CASZ1: variants seen among roughly 807,000 people sequenced by gnomAD.
CASZ1 encodes zinc finger protein castor homolog 1.
A neutral mutation model predicts 135.2 loss-of-function variants in CASZ1; 28 were observed. The ratio of observed to expected loss-of-function variants is 0.21; its 90% CI spans 0.15 to 0.28. The LOEUF is 0.28. CASZ1 is among the 10% of genes least tolerant of loss of function. CASZ1 has a pLI of 1.00. For synonymous variants in CASZ1, 1,068 were observed against 1,073.4 expected (o/e 0.99, Z 0.10); for missense variants, 2,161 against 2,453.3 (o/e 0.88, Z 2.52).
At chr1:10,663,542 G>A (rs1235650473) in intron 5 of CASZ1, among the ~76,000 whole-genome samples, 1 of 152,238 alleles carries the variant, frequency 6.6e-6, no homozygotes, top group African/African-American at 2.4e-5. Flanking sequence ...CAGGGAAAGG[G>A]GCTAAAAATA....
chr1:10,750,229 A>T (rs1308912385), intron 2 of CASZ1, among the ~76,000 whole-genome samples: 2 of 152,024 alleles, frequency 1.3e-5, no homozygotes, highest in African/African-American at 4.8e-5. Context: ...GTTGTGTGAC[A>T]TGAGGCCTGG....
At chr1:10,758,918 A>G (rs1640310721) in intron 2 of CASZ1, among the ~76,000 whole-genome samples, 1 of 152,152 alleles carries the variant, frequency 6.6e-6, no homozygotes, top group Non-Finnish European at 1.5e-5. Context: ...CTTCATTATC[A>G]AGTCCAAGAC....
At chr1:10,683,640 T>C (rs1638496741) in intron 4 of CASZ1, among the ~76,000 whole-genome samples, 1 of 152,122 alleles carries the variant, frequency 6.6e-6, no homozygotes, top group Admixed American at 6.5e-5. Flanking sequence ...CCTGAAGGGC[T>C]CTGCGTCCAG....
At chr1:10,793,476 A>G (rs915970324) in intron 1 of CASZ1, among the ~76,000 whole-genome samples, 24 of 152,318 alleles carry the variant, frequency 1.6e-4, no homozygotes, top group African/African-American at 5.5e-4. Flanking sequence ...AGGCAAGGGG[A>G]AAAAAAGAGG....
chr1:10,789,529 T>TCTCTCTCTCTCTCTATCCTC (rs1640917177), intron 1 of CASZ1, among the ~76,000 whole-genome samples: 2 of 151,750 alleles, frequency 1.3e-5, no homozygotes, highest in African/African-American at 2.4e-5. Context: ...TCCCTGTCTC[T>TCTCTCTCTCTCTCTATCCTC]CTCTCTCTCT....
chr1:10,644,509 G>A lies in CASZ1; in HGVS notation c.3868+408C>T, dbSNP rs74925357. On this transcript the variant is annotated intron_variant, in intron 18 of 20. Transcript: ENST00000377022. ...GAATGGATGAATGGAAGAACAAACT[G>A]TAGCTCACTGCGGACAAAAACCTCA... Among the ~76,000 whole-genome samples the A allele has an allele frequency of 9.4e-3, 1,437 of 152,328 alleles. 34 individuals carry two copies. The highest frequency in any genetic ancestry group is 0.033 in the African/African-American group (1,378 of 41,560).
In CASZ1 at chr1:10,665,150, C is replaced by A; in HGVS notation, c.438G>T (p.Leu146=). 1 of 1,538,010 alleles carries A rather than the reference C, an allele frequency of 6.5e-7. No individual in the cohort carries two copies. Among genetic ancestry groups the A allele is most frequent in the Non-Finnish European group, 8.8e-7 (1 of 1,140,138 alleles). ...AEEPSKDGGA[L]EEKDSDGAAS... is the part of the protein sequence containing the mutation. ...CTGCCCCGTCCGAATCCTTCTCCTC[C>A]AGGGCACCGCCGTCCTTGGAGGGCT... Residue 146 remains leucine (L), a synonymous_variant, in exon 5 of 21, where the codon CTG becomes CTT. Transcript: ENST00000377022.
rs140327757 is a variant in CASZ1 at position 10,721,697 on chromosome 1, C to A, written c.-76-16153G>T. The stretch of plus-strand genomic sequence containing the variant: ...TAAGCTGCACCTCACCACTGACCTG[C>A]AAGTGCCGACCTGCAAACCAGGAAG... On this transcript the variant is annotated intron_variant, in intron 2 of 20. Coordinates refer to ENST00000377022, the MANE Select transcript of CASZ1 (RefSeq NM_001079843.3). This position sits in a 1 kb window ranked among gnomAD's most constrained non-coding sequence, Gnocchi z 5.4. 1.3e-5 allele frequency among the ~76,000 whole-genome samples: 2 copies of A among 152,242 alleles called. No homozygotes were observed. Among genetic ancestry groups the A allele is most frequent in the Admixed American group, 6.5e-5 (1 of 15,290 alleles).
Position 10,656,685 on chromosome 1 carries a change from G to A in CASZ1, c.1461C>T (p.Arg487=), listed in dbSNP as rs146203567. The A allele has an allele frequency of 9.7e-4, 1,555 of 1,604,294 alleles. 11 individuals carry two copies. In the African/African-American group the frequency reaches 0.018, roughly 19 times the overall value. The change falls in exon 8 of 21, where the codon CGC becomes CGT. Residue 487 remains arginine, a synonymous_variant. Transcript: ENST00000377022. ...CGHIHCAYQY[R]EHYHCLDPEC... ...CAGGGTCAAGGCAGTGGTAGTGCTC[G>A]CGGTACTGGTAGGCACAGTGGATGT...
intron 4 of CASZ1, among the ~76,000 whole-genome samples, chr1:10,678,709 A>C (rs1638314670): frequency 6.6e-6 from 1 of 152,134 alleles, no homozygotes; most frequent in Non-Finnish European, 1.5e-5. Context: ...AAAGTGACAT[A>C]AACGTCCCGA....
chr1:10,757,844 C>G lies in CASZ1; in HGVS notation c.-77+2857G>C, dbSNP rs1223563672. On this transcript the variant is annotated intron_variant, in intron 2 of 20. Transcript: ENST00000377022. The surrounding 1 kb of genome is among the most constrained non-coding windows in gnomAD (Gnocchi z 4.6). ...ATCACTTTACCTCTGGCTCAAAACCCTCCAGCGGCTTCCTATCACCTAAGC... is the reference window on the plus strand; with the variant it reads ...ATCACTTTACCTCTGGCTCAAAACCGTCCAGCGGCTTCCTATCACCTAAGC... Among the ~76,000 whole-genome samples the G allele has an allele frequency of 6.6e-6, 1 of 152,064 alleles. No individual in the cohort carries two copies.
rs1264157731 is a variant in CASZ1, at chr1:10,779,665, A to AG, written c.-234+16898dup. Among the ~76,000 whole-genome samples the AG allele has an allele frequency of 2.4e-4, 36 of 152,226 alleles. 1 individual carries two copies. Among genetic ancestry groups the AG allele is most frequent in the Admixed American group, 2.4e-3 (36 of 15,292 alleles). ...GATCACCTTTCAAGCGTTCTACAGA[A>AG]GCATTTGGATTTTTATATAGTTTCT... is the stretch of plus-strand genomic sequence containing the variant. On this transcript the variant is annotated intron_variant, in intron 1 of 20. Transcript: ENST00000377022.
Position 10,721,292 on chromosome 1 carries a change from G to GA in CASZ1, c.-76-15749dup, listed in dbSNP as rs200461021. Among the ~76,000 whole-genome samples the GA allele has an allele frequency of 2.4e-3, 364 of 150,054 alleles. 1 individual carries two copies. Among genetic ancestry groups the GA allele is most frequent in the Non-Finnish European group, 1.2e-3 (83 of 67,402 alleles). On this transcript the variant is annotated intron_variant, in intron 2 of 20. Transcript: ENST00000377022. The surrounding 1 kb of genome is among the most constrained non-coding windows in gnomAD (Gnocchi z 5.4). ...ACCTCCCCCACCCCCTGATCTTAGG[G>GA]AAAAAAAAACCCATCAAAATAACTA...
Position 10,653,726 on chromosome 1 carries a change from G to C in CASZ1, c.2331C>G (p.Pro777=), listed in dbSNP as rs967863170. 20 of 1,605,556 alleles carry C rather than the reference G, an allele frequency of 1.2e-5. No homozygotes were observed. Among genetic ancestry groups the C allele is most frequent in the Non-Finnish European group, 1.5e-5 (18 of 1,175,760 alleles). The change falls in exon 11 of 21, where the codon CCC becomes CCG. Residue 777 remains proline (P), a synonymous_variant. Transcript: ENST00000377022. ...GGGGGATTGAGCCAGGCAGGCCCTGGGGCAGCAGCCCCGAGATCTTGCTGT... is the reference window on the plus strand; with the variant it reads ...GGGGGATTGAGCCAGGCAGGCCCTGCGGCAGCAGCCCCGAGATCTTGCTGT... ...PPNSKISGLL[P]QGLPGSIPLA...
chr1:10,688,867 A>T (rs369759501), intron 4 of CASZ1, among the ~76,000 whole-genome samples: 3 of 151,894 alleles, frequency 2.0e-5, no homozygotes, highest in African/African-American at 7.3e-5. Context: ...TCCTGCTCCC[A>T]GCTTCTCCCT....
chr1:10,693,999 T>TC, intron 3 of CASZ1, 87 bp from the exon 4 acceptor site: 1 of 1,318,778 alleles, frequency 7.6e-7, no homozygotes, highest in Non-Finnish European at 1.1e-6. Flanking sequence ...GCCCTGCTTG[T>TC]CCCCCGCCCC....
rs1398922260 is a variant in CASZ1 at position 10,706,152 on chromosome 1, C to T, written c.-76-608G>A. Reference sequence around the variant, plus strand: ...CCCCGGGGTCCTACCCATGAGTCATCACAGCCCATGTCCAGAGACCGTGCA... The same window carrying T: ...CCCCGGGGTCCTACCCATGAGTCATTACAGCCCATGTCCAGAGACCGTGCA... On this transcript the variant is annotated intron_variant, in intron 2 of 20. Transcript: ENST00000377022. The surrounding 1 kb of genome is among the most constrained non-coding windows in gnomAD (Gnocchi z 4.3). Among the ~76,000 whole-genome samples, 1 of 152,264 alleles carries T rather than the reference C, an allele frequency of 6.6e-6. No individual in the cohort carries two copies. The highest frequency in any genetic ancestry group is 1.5e-5 in the Non-Finnish European group (1 of 68,048).
At chr1:10,715,292 A>G (rs1001080792) in intron 2 of CASZ1, among the ~76,000 whole-genome samples, 5 of 151,734 alleles carry the variant, frequency 3.3e-5, no homozygotes, top group African/African-American at 7.3e-5. Flanking sequence ...TCCTCAACCA[A>G]CTCTGTGAGT....
chr1:10,795,180 T>A (rs981418634), intron 1 of CASZ1, among the ~76,000 whole-genome samples: 2 of 150,882 alleles, frequency 1.3e-5, no homozygotes, highest in Non-Finnish European at 3.0e-5. Context: ...GGGAGATCCC[T>A]GACTCGGTCT....
Sources: allele counts gnomAD v4.1 joint callset (sites outside exome capture counted in the v4.1 genomes callset), GRCh38; gene constraint gnomAD v4.1.1; non-coding constraint Gnocchi (gnomAD v3.1); transcripts MANE v1.5; gene names NCBI Gene and HGNC (gene_info 2026-07-23, HGNC 2026-07-21).